The following ANKDD1A variants were observed in gnomAD, a reference collection of about 807,000 sequenced individuals.
ANKDD1A encodes the protein ankyrin repeat and death domain containing 1A, also known as ankyrin repeat and death domain-containing protein 1A.
ANKDD1A carries 59 observed loss-of-function variants against 63.5 expected under a neutral mutation model. That is an observed-to-expected ratio of 0.93 (90% CI 0.75 to 1.15). The LOEUF (loss-of-function observed/expected upper bound fraction) is 1.15, where lower values mean the gene tolerates loss of function less well. Ranked by LOEUF, ANKDD1A falls within the 50% of genes most tolerant of loss-of-function variation. The pLI, the probability that ANKDD1A is intolerant of heterozygous loss-of-function variation, is 0.00. For missense variants in ANKDD1A, 632 were observed against 656.4 expected (o/e 0.96, Z 0.41); for synonymous variants, 266 against 263.9 (o/e 1.01, Z -0.08).
chr15:64,939,699 G>A (rs192577346), intron 9 of ANKDD1A, among the ~76,000 whole-genome samples: 70 of 152,272 alleles, frequency 4.6e-4, no homozygotes, highest in East Asian at 2.7e-3. Flanking sequence ...ATGAAAATAC[G>A]CCCAGCTGAT....
At position 64,944,669 on chromosome 15, in the gene ANKDD1A, G is replaced by A. The variant is rs1203947431; in HGVS notation, c.1083G>A (p.Leu361=). 6.2e-7 allele frequency: 1 copy of A among 1,614,016 alleles called. No individual in the cohort carries two copies. Among genetic ancestry groups the A allele is most frequent in the Admixed American group, 1.7e-5 (1 of 60,000 alleles). The stretch of plus-strand genomic sequence containing the variant: ...AATTGCAGCAGGGAAAAACCGCCCT[G>A]GCAGTGGCCGTCCGCAGCAACCATG... The part of the protein sequence containing the change: ...NLRDKQGKTA[L]AVAVRSNHVS... The change falls in exon 12 of 15, where the codon CTG becomes CTA. Residue 361 remains leucine, a synonymous_variant. Transcript: ENST00000319580.
chr15:64,917,547 G>A (rs1412708119), intron 3 of ANKDD1A, 33 bp downstream of exon 3: 2 of 1,544,482 alleles, frequency 1.3e-6, no homozygotes, highest in Non-Finnish European at 1.8e-6. Context: ...GTCTCAGGGT[G>A]GTGGGGGGCA....
rs571389209 is a variant in ANKDD1A, at chr15:64,947,483, T to C, written c.1241T>C (p.Val414Ala). Residue 414 changes from valine (V) to alanine (A), a missense_variant, in exon 13 of 15, where the codon GTG becomes GCG. Val to Ala is a moderately conservative substitution (Grantham distance 64). Transcript: ENST00000319580. ...HRQETQQLRSVLWRLASRYLQ... is the reference protein window; with the variant it reads ...HRQETQQLRSALWRLASRYLQ... ...CAGGAAACACAGCAGCTCCGTTCTGTGCTGTGGCGGCTGGCCTCCAGGTAT... is the reference window on the plus strand; with the variant it reads ...CAGGAAACACAGCAGCTCCGTTCTGCGCTGTGGCGGCTGGCCTCCAGGTAT... 3.5e-5 allele frequency: 56 copies of C among 1,614,156 alleles called. No individual in the cohort carries two copies. The East Asian group carries it at 1.2e-3, about 33-fold the overall frequency.
In ANKDD1A at chr15:64,951,939, TTTC is replaced by T. The variant is rs373726820; in HGVS notation, c.1483+1979_1483+1981del. Among the ~76,000 whole-genome samples the T allele has an allele frequency of 0.01, 1,469 of 143,162 alleles. 54 individuals carry two copies. In the South Asian group the frequency reaches 0.13, roughly 12 times the overall value. The allele number at this position is 143,162 out of a possible 152,430, so 93.9% of individuals were successfully genotyped here. A position where few individuals can be genotyped will look rare whatever the true frequency, so the allele number is the denominator to read the frequency against. On this transcript the variant is annotated intron_variant, in intron 14 of 14. Transcript: ENST00000319580. ...TTGTTCTTTCCTCTTCTTCCTTTCT[TTTC>T]TTCTTCTTCTTTCCTTCTGCTCTTC... is the stretch of plus-strand genomic sequence containing the variant.
At chr15:64,954,853 CTTCT>C (rs1246058033) in intron 14 of ANKDD1A, among the ~76,000 whole-genome samples, 4 of 81,106 alleles carry the variant, frequency 4.9e-5, no homozygotes, top group African/African-American at 1.5e-4. Flanking sequence ...CTTCCTTCTT[CTTCT>C]TTCTTCTCCT....
At chr15:64,948,579 C>T (rs1181916799) in intron 13 of ANKDD1A, among the ~76,000 whole-genome samples, 2 of 152,138 alleles carry the variant, frequency 1.3e-5, no homozygotes, top group African/African-American at 4.8e-5. Flanking sequence ...AATCTCAGCA[C>T]TTTGGGAGGC....
Position 64,934,223 on chromosome 15 carries a change from G to A in ANKDD1A, c.856G>A (p.Val286Met), listed in dbSNP as rs771248400. ...VLIHAGGCAN[V>M]VDHQGASPLH... The stretch of plus-strand genomic sequence containing the variant: ...CATCCACGCAGGAGGCTGCGCCAAC[G>A]TGGTTGATCATGTAAGTATGGTGCG... The change falls in exon 9 of 15, where the codon GTG becomes ATG. Residue 286 changes from valine (V) to methionine (M), a missense_variant. By Grantham distance (21) the Val-to-Met change is conservative. Transcript: ENST00000319580. The A allele has an allele frequency of 5.0e-5, 80 of 1,611,650 alleles. No individual in the cohort carries two copies. Among genetic ancestry groups the A allele is most frequent in the Non-Finnish European group, 6.3e-5 (74 of 1,178,892 alleles).
intron 4 of ANKDD1A, among the ~76,000 whole-genome samples, chr15:64,925,184 C>T (rs1595848304): frequency 7.1e-6 from 1 of 141,354 alleles, no homozygotes; most frequent in East Asian, 2.1e-4. Flanking sequence ...GCCGAGATCG[C>T]ACCACTGTAC....
At chr15:64,950,390 CCTT>C in intron 14 of ANKDD1A, 1 of 985,376 alleles carries the variant, frequency 1.0e-6, no homozygotes, top group Non-Finnish European at 1.2e-6. Context: ...GTCAAATAAA[CCTT>C]CTGAGGTCAT....
intron 14 of ANKDD1A, chr15:64,951,422 CTTTTCTTCTTT>C: frequency 1.9e-5 from 2 of 106,826 alleles, no homozygotes; most frequent in Non-Finnish European, 2.5e-5. Flanking sequence ...TTTTCTTCCT[CTTTTCTTCTTT>C]TTCTTTCTTC....
At chr15:64,924,470 C>G (rs140662068) in intron 4 of ANKDD1A, among the ~76,000 whole-genome samples, 11 of 152,354 alleles carry the variant, frequency 7.2e-5, no homozygotes, top group African/African-American at 2.6e-4. Flanking sequence ...ATAGACCCCA[C>G]TCTTCCTTTC....
At chr15:64,922,272 A>C in intron 4 of ANKDD1A, 2 of 480,474 alleles carry the variant, frequency 4.2e-6, no homozygotes, top group Non-Finnish European at 7.5e-6. Flanking sequence ...AGTTAGAAAA[A>C]TTAAATGAGA....
chr15:64,954,012 T>C (rs1304897591), intron 14 of ANKDD1A, among the ~76,000 whole-genome samples: 1 of 92,382 alleles, frequency 1.1e-5, no homozygotes, highest in Non-Finnish European at 2.2e-5. Context: ...TTCTTCTTCC[T>C]TCTTTCCTCT....
At chr15:64,954,351 TTC>T (rs1491052944) in intron 14 of ANKDD1A, among the ~76,000 whole-genome samples, 7 of 40,322 alleles carry the variant, frequency 1.7e-4, no homozygotes, top group East Asian at 1.5e-3. Context: ...CCTCTCCTTC[TTC>T]TCTTCTTCTC....
At position 64,954,002 on chromosome 15, in the gene ANKDD1A, T is replaced by A. The variant is rs1417694995; in HGVS notation, c.1484-3101T>A. On this transcript the variant is annotated intron_variant, in intron 14 of 14. Coordinates refer to ENST00000319580, the MANE Select transcript of ANKDD1A (RefSeq NM_182703.6). ...CCTCTATCTTCTTCCTTTCTTTCCT[T>A]TCTTCTTCCTTCTTTCCTCTTCTTT... 6.6e-5 allele frequency among the ~76,000 whole-genome samples: 8 copies of A among 121,088 alleles called. No individual in the cohort carries two copies. In the East Asian group the frequency reaches 1.5e-3, roughly 23 times the overall value. The allele number at this position is 121,088 out of a possible 152,430, so 79.4% of individuals were successfully genotyped here.
chr15:64,950,884 T>G, intron 14 of ANKDD1A: 1 of 1,195,342 alleles, frequency 8.4e-7, no homozygotes, highest in Non-Finnish European at 1.1e-6. Flanking sequence ...GGCATGCAAT[T>G]AAAACATAAA....
Position 64,957,849 on chromosome 15 carries a change from A to G in ANKDD1A, c.*661A>G, listed in dbSNP as rs971213704. ...CACGATACAGATCAGTGCATATAGTATATTACTAATAGTATGCTGTTAATT... is the reference window on the plus strand; with the variant it reads ...CACGATACAGATCAGTGCATATAGTGTATTACTAATAGTATGCTGTTAATT... On this transcript the variant is annotated 3_prime_UTR_variant, in exon 15 of 15. Transcript: ENST00000319580. The G allele has an allele frequency of 2.0e-5, 3 of 152,198 alleles. No individual in the cohort carries two copies. Among genetic ancestry groups the G allele is most frequent in the Non-Finnish European group, 4.4e-5 (3 of 68,034 alleles). The allele number at this position is 152,198 out of a possible 1,614,324, so 9.4% of individuals were successfully genotyped here.
At chr15:64,955,013 C>CCCTTCTTCTTCT (rs2085404657) in intron 14 of ANKDD1A, among the ~76,000 whole-genome samples, 1 of 133,842 alleles carries the variant, frequency 7.5e-6, no homozygotes, top group African/African-American at 2.8e-5. Flanking sequence ...CTTCTTCTTC[C>CCCTTCTTCTTCT]ACTTCTTCTT....
intron 14 of ANKDD1A, among the ~76,000 whole-genome samples, chr15:64,953,626 T>TC (rs1491343636): frequency 1.4e-3 from 5 of 3,592 alleles, no homozygotes; most frequent in Non-Finnish European, 0.011. Context: ...TTCTTCTTCT[T>TC]CTTCCTTCTT....
Sources: gnomAD v4.1 joint callset for allele counts (sites outside exome capture counted in the v4.1 genomes callset) on GRCh38, gnomAD v4.1.1 for gene constraint, MANE v1.5 for transcripts, NCBI Gene and HGNC (gene_info 2026-07-23, HGNC 2026-07-21) for gene names.